PPEF2: variants seen among roughly 807,000 people sequenced by gnomAD.
PPEF2 encodes serine/threonine-protein phosphatase with EF-hands 2.
In PPEF2, 84 loss-of-function variants were observed where a neutral mutation model predicts 84.7. The ratio of observed to expected loss-of-function variants is 0.99; its 90% CI spans 0.83 to 1.19. The LOEUF is 1.19. PPEF2 is among the 50% of genes most tolerant of loss of function. PPEF2 has a pLI of 0.00. For synonymous variants in PPEF2, 346 were observed against 345.2 expected (o/e 1.00, Z -0.03); for missense variants, 924 against 937.5 (o/e 0.99, Z 0.19).
intron 14 of PPEF2, among the ~76,000 whole-genome samples, chr4:75,867,059 C>A (rs1020069417): frequency 6.6e-6 from 1 of 152,094 alleles, no homozygotes. Flanking sequence ...TTGGTTCTGG[C>A]CATGTTATCC....
At chr4:75,862,930 A>T (rs949341996) in intron 16 of PPEF2, among the ~76,000 whole-genome samples, 1 of 152,228 alleles carries the variant, frequency 6.6e-6, no homozygotes, top group Non-Finnish European at 1.5e-5. Flanking sequence ...GGATAAATAA[A>T]AGTTCTGTCC....
At chr4:75,863,915 G>A (rs567998117) in intron 16 of PPEF2, among the ~76,000 whole-genome samples, 215 of 147,740 alleles carry the variant, frequency 1.5e-3, no homozygotes, top group African/African-American at 5.2e-3. Flanking sequence ...CTCTGTCGCC[G>A]AGGCTGGAGT....
chr4:75,884,722 G>T lies in PPEF2; in HGVS notation c.618C>A (p.Asn206Lys), dbSNP rs762621551. The T allele has an allele frequency of 1.9e-6, 3 of 1,610,440 alleles. No individual in the cohort carries two copies. Among genetic ancestry groups the T allele is most frequent in the Admixed American group, 1.7e-5 (1 of 58,830 alleles). The change falls in exon 8 of 17, where the codon AAC (asparagine) becomes AAA (lysine). Residue 206 changes from asparagine to lysine, a missense_variant. Asn to Lys is a moderately conservative substitution (Grantham distance 94, BLOSUM62 0). Transcript: ENST00000286719. ...CCTTGCCTCGATCCACAAAGTCACC[G>T]TTGAACACATATGACCGTTCTGGCG... ...LPSPERSYVF[N>K]GDFVDRGKDS... is the part of the protein sequence containing the mutation.
chr4:75,893,476 C>T (rs571876379), intron 2 of PPEF2, among the ~76,000 whole-genome samples: 1 of 131,836 alleles, frequency 7.6e-6, no homozygotes, highest in South Asian at 2.7e-4. Flanking sequence ...TTAGCCTGGG[C>T]TAGAGACTCT....
chr4:75,901,473 AT>A (rs1323709379), intron 1 of PPEF2, among the ~76,000 whole-genome samples: 1 of 151,654 alleles, frequency 6.6e-6, no homozygotes, highest in Admixed American at 6.6e-5. Flanking sequence ...GTGAGCCAAG[AT>A]TTCGCCACTA....
At chr4:75,877,927 A>G (rs1472894272) in intron 10 of PPEF2, among the ~76,000 whole-genome samples, 1 of 152,186 alleles carries the variant, frequency 6.6e-6, no homozygotes, top group Admixed American at 6.5e-5. Flanking sequence ...TTTTTTAGAC[A>G]AGGATAGGAA....
chr4:75,874,578 C>A (rs566887812), intron 11 of PPEF2, among the ~76,000 whole-genome samples: 1 of 152,232 alleles, frequency 6.6e-6, no homozygotes, highest in Non-Finnish European at 1.5e-5. Flanking sequence ...GGATTACAGG[C>A]GTGAGCCACC....
rs1301205920 is a variant in PPEF2 at position 75,860,931 on chromosome 4, G to C, written c.2009-11C>G. 5.6e-6 allele frequency: 9 copies of C among 1,609,772 alleles called. No individual in the cohort carries two copies. The highest frequency in any genetic ancestry group is 7.6e-6 in the Non-Finnish European group (9 of 1,176,510). ...CCAGTGAGATGAACCCTTATCAGAGGGAGGAAATCACTTCAGTGAGTTAGT... is the reference window on the plus strand; with the variant it reads ...CCAGTGAGATGAACCCTTATCAGAGCGAGGAAATCACTTCAGTGAGTTAGT... On this transcript the variant is annotated splice_polypyrimidine_tract_variant and intron_variant, in intron 16 of 16. Transcript: ENST00000286719.
At chr4:75,865,196 CA>C (rs1448766897) in intron 15 of PPEF2, among the ~76,000 whole-genome samples, 1 of 152,128 alleles carries the variant, frequency 6.6e-6, no homozygotes, top group African/African-American at 2.4e-5. Flanking sequence ...CTCGGTCTCC[CA>C]AAGTGCTGGG....
At chr4:75,890,746 G>T (rs920883709) in intron 4 of PPEF2, among the ~76,000 whole-genome samples, 3 of 152,166 alleles carry the variant, frequency 2.0e-5, no homozygotes. Flanking sequence ...AAAATCACAG[G>T]TATTTATGTT....
Position 75,860,527 on chromosome 4 carries a change from T to C in PPEF2, c.*140A>G. 9.9e-7 allele frequency: 1 copy of C among 1,006,038 alleles called. No individual in the cohort carries two copies. The highest frequency in any genetic ancestry group is 1.4e-6 in the Non-Finnish European group (1 of 699,484). 62.3% of individuals were successfully genotyped at this position (1,006,038 alleles called of 1,614,324 possible). On this transcript the variant is annotated 3_prime_UTR_variant, in exon 17 of 17. Coordinates refer to ENST00000286719, the MANE Select transcript of PPEF2 (RefSeq NM_006239.3). ...AACACCCCAACCCACCCCTCCACAC[T>C]GAAATACACAGGTGATTCTGATGCA...
chr4:75,900,697 T>C (rs915695330), intron 1 of PPEF2, among the ~76,000 whole-genome samples: 1 of 152,202 alleles, frequency 6.6e-6, no homozygotes, highest in Non-Finnish European at 1.5e-5. Flanking sequence ...ATAAGGAATT[T>C]TCTTAAATGA....
chr4:75,882,539 CT>C (rs34920440), intron 10 of PPEF2, among the ~76,000 whole-genome samples: 14 of 148,944 alleles, frequency 9.4e-5, no homozygotes, highest in African/African-American at 2.5e-4. Context: ...GGTTCTCAAT[CT>C]TTTTTTTTTT....
chr4:75,897,114 A>G (rs1725028181), intron 1 of PPEF2, among the ~76,000 whole-genome samples: 1 of 151,994 alleles, frequency 6.6e-6, no homozygotes, highest in Non-Finnish European at 1.5e-5. Flanking sequence ...CGGCCTCCCA[A>G]AGTGCTGGGA....
At chr4:75,889,851 G>A in intron 5 of PPEF2, 106 bp downstream of exon 5, 1 of 1,290,072 alleles carries the variant, frequency 7.8e-7, no homozygotes, top group Non-Finnish European at 1.1e-6. Context: ...GTGGACACAT[G>A]ACATGAACAC....
rs7692827 is a variant in PPEF2 at position 75,861,090 on chromosome 4, A to G, written c.2009-170T>C. 5.4e-3 allele frequency among the ~76,000 whole-genome samples: 817 copies of G among 152,308 alleles called. 4 individuals carry two copies. The highest frequency in any genetic ancestry group is 0.018 in the African/African-American group (757 of 41,578). On this transcript the variant is annotated intron_variant, in intron 16 of 16. Coordinates refer to ENST00000286719, the MANE Select transcript of PPEF2 (RefSeq NM_006239.3). ...ATCACACAAACCCACTGGCTCACCAATGATTTTCAGCTGGGAGTAATTGTG... is the reference window on the plus strand; with the variant it reads ...ATCACACAAACCCACTGGCTCACCAGTGATTTTCAGCTGGGAGTAATTGTG...
chr4:75,896,524 T>C lies in PPEF2; in HGVS notation c.-58-141A>G. 6.4e-6 allele frequency: 4 copies of C among 620,846 alleles called. No individual in the cohort carries two copies. The South Asian group carries it at 7.5e-5, about 12-fold the overall frequency. The allele number at this position is 620,846 out of a possible 1,614,324, so 38.5% of individuals were successfully genotyped here. The stretch of plus-strand genomic sequence containing the variant: ...GCACAAGATGTTCCTCCCCTGAGAG[T>C]TCCCTCCATTTGTCATTCCCTAGGT... On this transcript the variant is annotated intron_variant, in intron 1 of 16. Coordinates refer to ENST00000286719, the MANE Select transcript of PPEF2 (RefSeq NM_006239.3).
Position 75,894,856 on chromosome 4 carries a change from G to A in PPEF2, c.55+1415C>T, listed in dbSNP as rs964195198. On this transcript the variant is annotated intron_variant, in intron 2 of 16. Transcript: ENST00000286719. ...TGTGGCGTGTGTGGGTTGAATTCGT[G>A]TTATTCACAAGATAAGGAAACCCTG... Among the ~76,000 whole-genome samples the A allele has an allele frequency of 2.6e-5, 4 of 152,210 alleles. 1 individual carries two copies. The highest frequency in any genetic ancestry group is 9.7e-5 in the African/African-American group (4 of 41,446).
chr4:75,868,849 A>G (rs79857890), intron 13 of PPEF2, among the ~76,000 whole-genome samples: 1 of 152,072 alleles, frequency 6.6e-6, no homozygotes, highest in Non-Finnish European at 1.5e-5. Context: ...TACAAAAAAA[A>G]CTTTTAAAAA....
Sources: allele counts gnomAD v4.1 joint callset (sites outside exome capture counted in the v4.1 genomes callset), GRCh38; gene constraint gnomAD v4.1.1; transcripts MANE v1.5; gene names NCBI Gene and HGNC (gene_info 2026-07-23, HGNC 2026-07-21).